Variants in FRK observed in about 807,000 individuals in gnomAD.
FRK encodes the protein tyrosine-protein kinase FRK.
In FRK, 51 loss-of-function variants were observed where a neutral mutation model predicts 56.4. The observed-to-expected ratio is 0.90, with a 90% confidence interval of 0.72 to 1.14. The LOEUF is 1.14. Ranked by LOEUF, FRK falls within the 50% of genes most tolerant of loss-of-function variation. FRK has a pLI of 0.00. For missense variants in FRK, 570 were observed against 601.4 expected (o/e 0.95, Z 0.55); for synonymous variants, 245 against 217.9 (o/e 1.12, Z -1.10).
At chr6:116,043,757 T>C (rs370150689) in intron 1 of FRK, among the ~76,000 whole-genome samples, 155 of 151,938 alleles carry the variant, frequency 1.0e-3, no homozygotes, top group African/African-American at 3.5e-3. Flanking sequence ...CTGAAGGAGA[T>C]AGAGACATGA....
At chr6:115,966,239 A>G (rs1773571974) in intron 4 of FRK, among the ~76,000 whole-genome samples, 1 of 152,128 alleles carries the variant, frequency 6.6e-6, no homozygotes, top group Non-Finnish European at 1.5e-5. Flanking sequence ...AATTTCTCCA[A>G]TCTTAGAATC....
chr6:116,015,655 T>C (rs1221414750), intron 1 of FRK, among the ~76,000 whole-genome samples: 1 of 152,158 alleles, frequency 6.6e-6, no homozygotes, highest in Non-Finnish European at 1.5e-5. Flanking sequence ...GATAGTAATA[T>C]GGACAATGAA....
At chr6:115,985,584 C>T (rs1245103804) in intron 2 of FRK, among the ~76,000 whole-genome samples, 1 of 152,052 alleles carries the variant, frequency 6.6e-6, no homozygotes, top group African/African-American at 2.4e-5. Flanking sequence ...TACTTTCTAG[C>T]TGTGTGACCT....
At chr6:116,044,281 A>G (rs1478072853) in intron 1 of FRK, among the ~76,000 whole-genome samples, 1 of 152,214 alleles carries the variant, frequency 6.6e-6, no homozygotes, top group African/African-American at 2.4e-5. Context: ...AGACACAATA[A>G]AAAAAGAAAA....
chr6:116,097,750 A>G, the FRK span, among the ~76,000 whole-genome samples: 1 of 152,234 alleles, frequency 6.6e-6, no homozygotes, highest in African/African-American at 2.4e-5. Context: ...AAAACAGTAC[A>G]TGAAATACTA....
chr6:116,081,892 G>A, the FRK span, among the ~76,000 whole-genome samples: 5 of 152,188 alleles, frequency 3.3e-5, no homozygotes, highest in East Asian at 9.6e-4. Context: ...TCCTCATGGA[G>A]ATTTACATTA....
intron 2 of FRK, among the ~76,000 whole-genome samples, chr6:115,983,901 T>C (rs3822858): frequency 0.35 from 53,749 of 151,940 alleles, 9,817 homozygotes; most frequent in Admixed American, 0.42. Flanking sequence ...CTGCCTAAAG[T>C]TCAGACCCCA....
chr6:115,942,396 G>C lies in FRK; in HGVS notation c.*18C>G. On this transcript the variant is annotated 3_prime_UTR_variant, in exon 8 of 8. Transcript: ENST00000606080. ...AATTTGTTTTGCTACTTTATTATTT[G>C]ATATTCTTCTCCAGTGTTCATCTTA... 1 of 1,575,326 alleles carries C rather than the reference G, an allele frequency of 6.3e-7. No individual in the cohort carries two copies. Among genetic ancestry groups the C allele is most frequent in the Non-Finnish European group, 8.7e-7 (1 of 1,146,198 alleles).
rs1360123687 is a variant in FRK at position 115,943,157 on chromosome 6, C to T, written c.1169G>A (p.Arg390Lys). The part of the protein sequence containing the change: ...KVDNEDIYES[R>K]HEIKLPVKWT... ...CTTCACCGGCAGCTTTATTTCGTGT[C>T]TAGATTCATAGATGTCTTCATTATC... is the stretch of plus-strand genomic sequence containing the variant. Residue 390 changes from arginine (R) to lysine (K), a missense_variant, in exon 7 of 8, where the codon AGA becomes AAA. Transcript: ENST00000606080. 2 of 1,611,790 alleles carry T rather than the reference C, an allele frequency of 1.2e-6. No individual in the cohort carries two copies. The highest frequency in any genetic ancestry group is 1.3e-5 in the African/African-American group (1 of 74,716).
At position 115,936,303 on chromosome 6, in the gene FRK, A is replaced by ATC. The variant is rs1420825588; in HGVS notation, c.*6110_*6111insGA. The ATC allele has an allele frequency of 6.6e-6, 1 of 152,274 alleles. No individual in the cohort carries two copies. The highest frequency in any genetic ancestry group is 1.5e-5 in the Non-Finnish European group (1 of 68,076). 9.4% of individuals were successfully genotyped at this position (152,274 alleles called of 1,614,324 possible). On this transcript the variant is annotated 3_prime_UTR_variant, in exon 8 of 8. Transcript: ENST00000606080. ...ACAGAAAGGAATAGTATGTCCACTC[A>ATC]GAGACCCCATCCGAACATCAGCAGG...
intron 7 of FRK, 64 bp downstream of exon 7, chr6:115,942,956 G>T: frequency 6.6e-7 from 1 of 1,521,878 alleles, no homozygotes; most frequent in Non-Finnish European, 8.9e-7. Context: ...GGGCAAAGCA[G>T]TTAAAATCAC....
Position 115,933,997 on chromosome 6 carries a change from G to A in FRK, c.*8417C>T, listed in dbSNP as rs1291911395. 11 of 151,600 alleles carry A rather than the reference G, an allele frequency of 7.3e-5. No individual in the cohort carries two copies. The East Asian group carries it at 2.1e-3, about 29-fold the overall frequency. 9.4% of individuals were successfully genotyped at this position (151,600 alleles called of 1,614,324 possible). On this transcript the variant is annotated 3_prime_UTR_variant, in exon 8 of 8. Transcript: ENST00000606080. The stretch of plus-strand genomic sequence containing the variant: ...GGGTATATATGCACACATCTGCCTG[G>A]AATACACACACACACACACCATATA...
At chr6:115,986,510 CA>C (rs892796878) in intron 2 of FRK, among the ~76,000 whole-genome samples, 4 of 152,146 alleles carry the variant, frequency 2.6e-5, no homozygotes, top group Admixed American at 2.6e-4. Flanking sequence ...AAAATATCAA[CA>C]GATCCTGTTT....
the FRK span, among the ~76,000 whole-genome samples, chr6:116,079,406 T>G: frequency 1.3e-5 from 2 of 151,646 alleles, no homozygotes; most frequent in African/African-American, 4.8e-5. Flanking sequence ...GGTTTTTTGT[T>G]TTTTTTTTCA....
rs187511966 is a variant in FRK at position 116,038,857 on chromosome 6, G to A, written c.344+21111C>T. 1.2e-3 allele frequency: 664 copies of A among 540,798 alleles called. 4 individuals are homozygous for A. The highest frequency in any genetic ancestry group is 0.01 in the African/African-American group (545 of 52,794). 33.5% of individuals were successfully genotyped at this position (540,798 alleles called of 1,614,324 possible). Reference sequence around the variant, plus strand: ...GCACTCTGAAGGCGGCCAAGGTGCCGGCCAACACTGAGGTGGTTTGCACTC... The same window carrying A: ...GCACTCTGAAGGCGGCCAAGGTGCCAGCCAACACTGAGGTGGTTTGCACTC... On this transcript the variant is annotated intron_variant, in intron 1 of 7. Transcript: ENST00000606080.
intron 1 of FRK, among the ~76,000 whole-genome samples, chr6:116,015,356 C>T (rs534955661): frequency 3.9e-5 from 6 of 152,260 alleles, no homozygotes; most frequent in African/African-American, 1.4e-4. Context: ...GTAAGTTTCC[C>T]GAGTCTTCCC....
chr6:115,982,015 T>C (rs1223089797), intron 2 of FRK, among the ~76,000 whole-genome samples: 1 of 152,126 alleles, frequency 6.6e-6, no homozygotes, highest in Non-Finnish European at 1.5e-5. Flanking sequence ...AGAAATGCCT[T>C]GATAGCTAGT....
At chr6:116,021,186 A>G (rs1409279253) in intron 1 of FRK, among the ~76,000 whole-genome samples, 1 of 144,440 alleles carries the variant, frequency 6.9e-6, no homozygotes, top group African/African-American at 2.5e-5. Flanking sequence ...CTGAAAGAAT[A>G]AAAAAAAAAA....
chr6:116,100,616 G>C, the FRK span, among the ~76,000 whole-genome samples: 1 of 152,190 alleles, frequency 6.6e-6, no homozygotes, highest in African/African-American at 2.4e-5. Context: ...ACCGCTCCTG[G>C]ACCCCTACTG....
Sources: gnomAD v4.1 joint callset for allele counts (sites outside exome capture counted in the v4.1 genomes callset) on GRCh38, gnomAD v4.1.1 for gene constraint, MANE v1.5 for transcripts, NCBI Gene and HGNC (gene_info 2026-07-23, HGNC 2026-07-21) for gene names.